Variants in FANCL observed in about 807,000 individuals in gnomAD.
FANCL encodes E3 ubiquitin-protein ligase FANCL.
Under a neutral mutation model 59.4 loss-of-function variants are expected in FANCL, and 69 were observed. That is an observed-to-expected ratio of 1.16 (90% CI 0.96 to 1.42). FANCL has a LOEUF of 1.42. Among genes scored for constraint, FANCL ranks in the 40% most tolerant of loss-of-function variants. FANCL has a pLI of 0.00. For missense variants in FANCL, 519 were observed against 447.2 expected (o/e 1.16, Z -1.45); for synonymous variants, 180 against 147.1 (o/e 1.22, Z -1.62).
chr2:58,182,171 T>C (rs1288745505), intron 7 of FANCL, among the ~76,000 whole-genome samples: 1 of 151,834 alleles, frequency 6.6e-6, no homozygotes, highest in Admixed American at 6.6e-5. Context: ...AGAAATATTA[T>C]CAGTAACTGT....
chr2:58,217,227 C>T lies in FANCL; in HGVS notation c.374+4715G>A, dbSNP rs186716710. 4.0e-3 allele frequency among the ~76,000 whole-genome samples: 298 copies of T among 74,410 alleles called. 2 individuals are homozygous for T. Among genetic ancestry groups the T allele is most frequent in the African/African-American group, 0.015 (159 of 10,590 alleles). 48.8% of individuals were successfully genotyped at this position (74,410 alleles called of 152,430 possible). A position where few individuals can be genotyped will look rare whatever the true frequency, so the allele number is the denominator to read the frequency against. ...ATATATATATATATACACACACACA[C>T]ACACACACACACACACATATATATG... On this transcript the variant is annotated intron_variant, in intron 5 of 13. Coordinates refer to ENST00000233741, the MANE Select transcript of FANCL (RefSeq NM_018062.4).
At chr2:58,222,260 C>T (rs1343463455) in intron 4 of FANCL, among the ~76,000 whole-genome samples, 1 of 151,834 alleles carries the variant, frequency 6.6e-6, no homozygotes, top group East Asian at 1.9e-4. Context: ...AATTTTTATG[C>T]CATGAAAATA....
chr2:58,163,016 C>A lies in FANCL; in HGVS notation c.821+13G>T, dbSNP rs1410085417. ...TCACCAAAAAGTAAAAATTATATTGCCAAGGTACCTACCACAAATGTATGT... is the reference window on the plus strand; with the variant it reads ...TCACCAAAAAGTAAAAATTATATTGACAAGGTACCTACCACAAATGTATGT... On this transcript the variant is annotated intron_variant, in intron 10 of 13. Transcript: ENST00000233741. The A allele has an allele frequency of 1.2e-6, 2 of 1,612,420 alleles. No homozygotes were observed. The highest frequency in any genetic ancestry group is 1.7e-6 in the Non-Finnish European group (2 of 1,178,896).
intron 7 of FANCL, among the ~76,000 whole-genome samples, chr2:58,172,560 G>C (rs543224120): frequency 1.3e-5 from 2 of 152,166 alleles, no homozygotes; most frequent in African/African-American, 2.4e-5. Flanking sequence ...CAGAGGGTCT[G>C]TTTGTTAACA....
At chr2:58,206,510 A>G (rs2105166570) in intron 5 of FANCL, among the ~76,000 whole-genome samples, 1 of 152,138 alleles carries the variant, frequency 6.6e-6, no homozygotes, top group African/African-American at 2.4e-5. Flanking sequence ...GGAAGAAAAA[A>G]CTACATCACC....
chr2:58,179,127 G>A (rs943689056), intron 7 of FANCL, among the ~76,000 whole-genome samples: 1 of 152,160 alleles, frequency 6.6e-6, no homozygotes, highest in African/African-American at 2.4e-5. Context: ...TGGATAGGAA[G>A]AATCAATATC....
At position 58,229,889 on chromosome 2, in the gene FANCL, A is replaced by G. The variant is rs2103886212; in HGVS notation, c.156-15T>C. ...TACATAATAATCTAAAATTTTAATG[A>G]GACAAAATGGTTTATTCATTGTTCA... On this transcript the variant is annotated splice_polypyrimidine_tract_variant and intron_variant, in intron 2 of 13. Coordinates refer to ENST00000233741, the MANE Select transcript of FANCL (RefSeq NM_018062.4). 6.3e-7 allele frequency: 1 copy of G among 1,582,428 alleles called. No homozygotes were observed. Among genetic ancestry groups the G allele is most frequent in the South Asian group, 1.1e-5 (1 of 90,462 alleles).
At chr2:58,233,683 A>G (rs1012336282) in intron 1 of FANCL, among the ~76,000 whole-genome samples, 4 of 152,024 alleles carry the variant, frequency 2.6e-5, no homozygotes, top group Non-Finnish European at 4.4e-5. Context: ...TTAGAGTGCT[A>G]GGAAGGTCAG....
At chr2:58,196,869 G>C (rs1012285280) in intron 7 of FANCL, among the ~76,000 whole-genome samples, 3 of 151,606 alleles carry the variant, frequency 2.0e-5, no homozygotes, top group African/African-American at 7.3e-5. Context: ...ACACAACCTA[G>C]CTATAATATT....
chr2:58,179,451 C>A (rs1687700193), intron 7 of FANCL, among the ~76,000 whole-genome samples: 1 of 152,136 alleles, frequency 6.6e-6, no homozygotes, highest in Non-Finnish European at 1.5e-5. Flanking sequence ...ACCATCTGAT[C>A]TTTGACAAAC....
At chr2:58,182,334 T>C (rs1455487923) in intron 7 of FANCL, among the ~76,000 whole-genome samples, 1 of 151,812 alleles carries the variant, frequency 6.6e-6, no homozygotes, top group Non-Finnish European at 1.5e-5. Context: ...GATTCTAATG[T>C]GCAGATAAGG....
intron 8 of FANCL, among the ~76,000 whole-genome samples, chr2:58,165,094 G>C (rs1685756310): frequency 6.6e-6 from 1 of 152,010 alleles, no homozygotes. Flanking sequence ...CTAAAATCTT[G>C]AGAAAGGCTG....
chr2:58,178,323 A>G (rs2104936061), intron 7 of FANCL, among the ~76,000 whole-genome samples: 1 of 152,284 alleles, frequency 6.6e-6, no homozygotes, highest in East Asian at 1.9e-4. Context: ...ATCAGTGTGA[A>G]AATCCTCAAC....
intron 1 of FANCL, among the ~76,000 whole-genome samples, chr2:58,237,750 T>C (rs992787560): frequency 6.6e-6 from 1 of 152,190 alleles, no homozygotes; most frequent in African/African-American, 2.4e-5. Flanking sequence ...CATAAATTAT[T>C]TGACACTCCT....
chr2:58,226,219 A>G (rs1692983813), intron 4 of FANCL, among the ~76,000 whole-genome samples: 1 of 152,162 alleles, frequency 6.6e-6, no homozygotes, highest in Non-Finnish European at 1.5e-5. Context: ...AAACTTGGGT[A>G]ATAAAATGAA....
chr2:58,159,549 C>G lies in FANCL; in HGVS notation c.*216G>C. On this transcript the variant is annotated 3_prime_UTR_variant, in exon 14 of 14. Transcript: ENST00000233741. ...ACACTTCCACAGTCAGCACGGGGAT[C>G]ACAGACTTAGAAAGTTCAACTGGAC... is the stretch of plus-strand genomic sequence containing the variant. The G allele has an allele frequency of 6.2e-7, 1 of 1,613,794 alleles. No individual in the cohort carries two copies. The highest frequency in any genetic ancestry group is 1.3e-5 in the African/African-American group (1 of 75,022).
chr2:58,194,398 G>A (rs936036484), intron 7 of FANCL: 1 of 428,484 alleles, frequency 2.3e-6, no homozygotes, highest in Non-Finnish European at 4.8e-6. Context: ...AAATTCTAAA[G>A]CATTAAGGAT....
At chr2:58,169,021 G>A (rs190243101) in intron 7 of FANCL, among the ~76,000 whole-genome samples, 105 of 152,184 alleles carry the variant, frequency 6.9e-4, no homozygotes, top group Non-Finnish European at 1.2e-3. Context: ...TGTGGGCACA[G>A]CTTCAGCAGA....
chr2:58,229,909 T>A, intron 2 of FANCL, 35 bp from the exon 3 acceptor site: 1 of 1,479,384 alleles, frequency 6.8e-7, no homozygotes, highest in Non-Finnish European at 9.5e-7. Context: ...GTTTATTCAT[T>A]GTTCAGAATT....
Sources: gnomAD v4.1 joint callset for allele counts (sites outside exome capture counted in the v4.1 genomes callset) on GRCh38, gnomAD v4.1.1 for gene constraint, MANE v1.5 for transcripts, NCBI Gene and HGNC (gene_info 2026-07-23, HGNC 2026-07-21) for gene names.